IGF1: variants seen among roughly 807,000 people sequenced by gnomAD.
IGF1 encodes the protein insulin like growth factor 1, also known as insulin-like growth factor 1.
In IGF1, 4 loss-of-function variants were observed where a neutral mutation model predicts 13.8. The observed-to-expected ratio is 0.29, with a 90% CI of 0.14 to 0.66. The LOEUF (loss-of-function observed/expected upper bound fraction) is 0.66, where lower values mean the gene tolerates loss of function less well. Ranked by LOEUF, IGF1 falls within the 30% of genes least tolerant of loss-of-function variation. IGF1 has a pLI of 0.78. For missense variants in IGF1, 124 were observed against 188.5 expected, an observed-to-expected ratio of 0.66 and a Z score of 2.00; for synonymous variants, 76 against 72.6, an observed-to-expected ratio of 1.05 and a Z score of -0.23.
At chr12:102,419,235 C>T (rs549063604) in intron 3 of IGF1, among the ~76,000 whole-genome samples, 1 of 152,316 alleles carries the variant, frequency 6.6e-6, no homozygotes, top group Non-Finnish European at 1.5e-5. Context: ...GTGAGAAAGC[C>T]AGGACTTCAC....
intron 2 of IGF1, among the ~76,000 whole-genome samples, chr12:102,446,399 G>C (rs1433314299): frequency 6.6e-6 from 1 of 152,112 alleles, no homozygotes; most frequent in Non-Finnish European, 1.5e-5. Flanking sequence ...CTCAATTTCA[G>C]AACTTGTTAT....
chr12:102,411,962 C>T (rs1170771750), intron 3 of IGF1, among the ~76,000 whole-genome samples: 1 of 152,134 alleles, frequency 6.6e-6, no homozygotes, highest in Non-Finnish European at 1.5e-5. Context: ...GGAAGATTGG[C>T]TGGATGCATT....
chr12:102,429,927 C>G (rs553611700), intron 2 of IGF1, among the ~76,000 whole-genome samples: 1 of 152,254 alleles, frequency 6.6e-6, no homozygotes, highest in East Asian at 1.9e-4. Flanking sequence ...ATCACAGGAC[C>G]TATCCATGGT....
chr12:102,442,705 G>A (rs1311696513), intron 2 of IGF1, among the ~76,000 whole-genome samples: 5 of 152,076 alleles, frequency 3.3e-5, no homozygotes, highest in African/African-American at 4.8e-5. Flanking sequence ...TTGAGCAGCC[G>A]CTCATTTGCT....
intron 2 of IGF1, among the ~76,000 whole-genome samples, chr12:102,426,028 A>C (rs1313726726): frequency 4.6e-5 from 7 of 152,206 alleles, no homozygotes; most frequent in Non-Finnish European, 1.0e-4. Flanking sequence ...GAATTATTTC[A>C]GTGGGGCCTG....
intron 3 of IGF1, among the ~76,000 whole-genome samples, chr12:102,405,642 T>C (rs113765920): frequency 3.3e-4 from 51 of 152,356 alleles, no homozygotes; most frequent in Non-Finnish European, 6.5e-4. Context: ...TTTGTTTTTC[T>C]GTTTAAGAGG....
intron 2 of IGF1, among the ~76,000 whole-genome samples, chr12:102,474,362 T>C (rs532713237): frequency 2.2e-4 from 33 of 152,344 alleles, no homozygotes; most frequent in African/African-American, 7.7e-4. Flanking sequence ...CCTATTCAAA[T>C]AGTAGAAGGC....
intron 3 of IGF1, among the ~76,000 whole-genome samples, chr12:102,402,839 C>T (rs2136941237): frequency 6.6e-6 from 1 of 152,292 alleles, no homozygotes; most frequent in East Asian, 1.9e-4. Context: ...GATTCATCTG[C>T]TTCTATCACA....
At chr12:102,463,851 C>T (rs535691675) in intron 2 of IGF1, among the ~76,000 whole-genome samples, 1 of 152,360 alleles carries the variant, frequency 6.6e-6, no homozygotes, top group South Asian at 2.1e-4. Flanking sequence ...CGACCAGTAG[C>T]TCCAGCTTTT....
intron 2 of IGF1, among the ~76,000 whole-genome samples, chr12:102,430,348 C>T (rs1167788108): frequency 1.3e-5 from 2 of 152,180 alleles, no homozygotes; most frequent in Non-Finnish European, 2.9e-5. Context: ...ATCCACTGAC[C>T]TCCTGCTGGG....
chr12:102,451,128 A>G (rs1407977575), intron 2 of IGF1, among the ~76,000 whole-genome samples: 1 of 152,236 alleles, frequency 6.6e-6, no homozygotes, highest in Non-Finnish European at 1.5e-5. Context: ...CAGAATTTCA[A>G]GAATGGTTCT....
intron 3 of IGF1, among the ~76,000 whole-genome samples, chr12:102,404,612 G>A (rs998938407): frequency 2.6e-5 from 4 of 152,224 alleles, no homozygotes; most frequent in Admixed American, 2.6e-4. Context: ...AAGAAACTGG[G>A]CATTTGTATA....
intron 3 of IGF1, among the ~76,000 whole-genome samples, chr12:102,413,250 G>A (rs1203107016): frequency 6.6e-6 from 1 of 152,114 alleles, no homozygotes; most frequent in African/African-American, 2.4e-5. Context: ...TATCAATGTT[G>A]CCCTTGGATT....
intron 2 of IGF1, among the ~76,000 whole-genome samples, chr12:102,433,102 T>C (rs1368094646): frequency 6.6e-6 from 1 of 152,202 alleles, no homozygotes; most frequent in Non-Finnish European, 1.5e-5. Flanking sequence ...GGCTCCTCCC[T>C]AATCTGGTGT....
chr12:102,437,376 G>A (rs1877337840), intron 2 of IGF1, among the ~76,000 whole-genome samples: 1 of 152,234 alleles, frequency 6.6e-6, no homozygotes, highest in African/African-American at 2.4e-5. Context: ...GAGCACACAA[G>A]CTAATCAAAA....
intron 2 of IGF1, among the ~76,000 whole-genome samples, chr12:102,431,710 G>T (rs879896454): frequency 2.0e-5 from 3 of 152,140 alleles, no homozygotes; most frequent in Non-Finnish European, 2.9e-5. Context: ...GGCACATGAT[G>T]CTAATATCAA....
intron 2 of IGF1, among the ~76,000 whole-genome samples, chr12:102,452,011 C>T (rs1426731213): frequency 6.6e-6 from 1 of 152,076 alleles, no homozygotes; most frequent in Admixed American, 6.5e-5. Context: ...GCCTGTAATC[C>T]CAGCACTTTG....
At chr12:102,420,969 G>GAA in intron 2 of IGF1, among the ~76,000 whole-genome samples, 1 of 152,314 alleles carries the variant, frequency 6.6e-6, no homozygotes, top group South Asian at 2.1e-4. Flanking sequence ...GATAGGGTTT[G>GAA]GAAAGTCAGA....
chr12:102,441,945 T>TTCTCCTTCTCCTTCTCCTTCTC (rs1877850987), intron 2 of IGF1, among the ~76,000 whole-genome samples: 1 of 141,968 alleles, frequency 7.0e-6, no homozygotes, highest in Admixed American at 7.7e-5. Flanking sequence ...TTCTTCTTCT[T>TTCTCCTTCTCCTTCTCCTTCTC]CTTCTTCTTC....
Sources: gnomAD v4.1 joint callset for allele counts (sites outside exome capture counted in the v4.1 genomes callset) on GRCh38, gnomAD v4.1.1 for gene constraint, MANE v1.5 for transcripts, NCBI Gene and HGNC (gene_info 2026-07-23, HGNC 2026-07-21) for gene names.